PLPPR4: variants seen among roughly 807,000 people sequenced by gnomAD.
The protein encoded by PLPPR4 is phospholipid phosphatase related 4, also known as phospholipid phosphatase-related protein type 4.
PLPPR4 carries 24 observed loss-of-function variants against 56.6 expected under a neutral mutation model. That is an observed-to-expected ratio of 0.42 (90% CI 0.31 to 0.60). PLPPR4 has a LOEUF of 0.60. PLPPR4 is among the 20% of genes least tolerant of loss of function. The probability of loss-of-function intolerance (pLI) is 0.13; values close to 1 mark genes in which losing one functional copy is unlikely to be tolerated. For missense variants in PLPPR4, 654 were observed against 885.8 expected (o/e 0.74, Z 3.32); for synonymous variants, 326 against 328.1 (o/e 0.99, Z 0.07).
chr1:99,273,850 T>C (rs1659117086), intron 1 of PLPPR4, among the ~76,000 whole-genome samples: 1 of 152,096 alleles, frequency 6.6e-6, no homozygotes, highest in African/African-American at 2.4e-5. Context: ...GGTGGAGACA[T>C]TTTTATTTGT....
At position 99,264,682 on chromosome 1, in the gene PLPPR4, C is replaced by T; in HGVS notation, c.78+11C>T. 2 of 1,550,184 alleles carry T rather than the reference C, an allele frequency of 1.3e-6. No homozygotes were observed. Among genetic ancestry groups the T allele is most frequent in the Non-Finnish European group, 1.7e-6 (2 of 1,146,700 alleles). On this transcript the variant is annotated intron_variant, in intron 1 of 6. Coordinates refer to ENST00000370185, the MANE Select transcript of PLPPR4 (RefSeq NM_014839.5). ...TTTTATTTCGTCGAGGTGAGTTGGC[C>T]CAGTGCCTTGGCATAATGCAGATCC...
chr1:99,294,585 A>G (rs907389585), intron 2 of PLPPR4, among the ~76,000 whole-genome samples: 2 of 151,694 alleles, frequency 1.3e-5, no homozygotes, highest in Non-Finnish European at 2.9e-5. Flanking sequence ...ATTCCCAGCT[A>G]CTTGGGAGGC....
chr1:99,296,671 C>A, intron 2 of PLPPR4, 67 bp from the exon 3 acceptor site: 2 of 1,344,722 alleles, frequency 1.5e-6, no homozygotes. Context: ...TATATAATTC[C>A]TTTATACCTG....
chr1:99,270,813 T>C (rs149994873), intron 1 of PLPPR4, among the ~76,000 whole-genome samples: 7 of 152,210 alleles, frequency 4.6e-5, no homozygotes, highest in African/African-American at 1.7e-4. Context: ...AGAAGTAGAG[T>C]CTGCTTAAAG....
intron 2 of PLPPR4, among the ~76,000 whole-genome samples, chr1:99,290,646 A>G (rs1659592089): frequency 6.6e-6 from 1 of 152,152 alleles, no homozygotes; most frequent in African/African-American, 2.4e-5. Context: ...CTGCACACCT[A>G]CAACTATCTG....
At chr1:99,263,880 G>A (rs964449246), upstream of PLPPR4, 1 of 152,318 alleles carries the variant, frequency 6.6e-6, no homozygotes, top group Non-Finnish European at 1.5e-5. Flanking sequence ...CCACACAACC[G>A]GTAGTGTTTG....
intron 3 of PLPPR4, among the ~76,000 whole-genome samples, chr1:99,298,167 T>G (rs919105378): frequency 3.9e-5 from 6 of 152,084 alleles, no homozygotes; most frequent in Admixed American, 2.6e-4. Flanking sequence ...ACTGAAGAAT[T>G]ACCCTGGTCC....
At chr1:99,296,193 A>C (rs1191212601) in intron 2 of PLPPR4, among the ~76,000 whole-genome samples, 1 of 152,170 alleles carries the variant, frequency 6.6e-6, no homozygotes, top group Non-Finnish European at 1.5e-5. Context: ...TAAGATAGCC[A>C]CTAGCCACCT....
chr1:99,293,222 G>A (rs1231426065), intron 2 of PLPPR4, among the ~76,000 whole-genome samples: 1 of 152,048 alleles, frequency 6.6e-6, no homozygotes, highest in Non-Finnish European at 1.5e-5. Flanking sequence ...TTGTATGCAG[G>A]AATTTAAATA....
chr1:99,303,471 C>T (rs771630230), intron 6 of PLPPR4, among the ~76,000 whole-genome samples: 14 of 151,838 alleles, frequency 9.2e-5, no homozygotes, highest in Non-Finnish European at 1.8e-4. Context: ...GTAGTTACTA[C>T]GGTTATATAA....
chr1:99,265,155 CCA>C (rs1333348247), intron 1 of PLPPR4, among the ~76,000 whole-genome samples: 24 of 131,454 alleles, frequency 1.8e-4, no homozygotes, highest in Middle Eastern at 3.9e-3. Flanking sequence ...CCCCCCCCCC[CCA>C]AATCCTTCTC....
chr1:99,265,540 T>C (rs2100779531), intron 1 of PLPPR4, among the ~76,000 whole-genome samples: 1 of 152,246 alleles, frequency 6.6e-6, no homozygotes, highest in East Asian at 1.9e-4. Context: ...AAGCAAGAGG[T>C]TTATTAAATT....
intron 1 of PLPPR4, among the ~76,000 whole-genome samples, chr1:99,270,043 GT>G (rs1659015018): frequency 6.2e-5 from 9 of 146,100 alleles, no homozygotes; most frequent in African/African-American, 7.7e-5. Flanking sequence ...GTGTGTGTGT[GT>G]GGCAGGGTCT....
Position 99,306,190 on chromosome 1 carries a change from A to G in PLPPR4, c.1328A>G (p.Asn443Ser). ...SSSEPSRVGV[N>S]GDHHGPGNQY... ...TCAGAGCCATCGAGGGTAGGGGTGA[A>G]TGGAGACCACCATGGTCCTGGCAAT... The change falls in exon 7 of 7, where the codon AAT (asparagine) becomes AGT (serine). Residue 443 changes from asparagine (N) to serine (S), a missense_variant. Coordinates refer to ENST00000370185, the MANE Select transcript of PLPPR4 (RefSeq NM_014839.5). The surrounding 1 kb of genome is among the most constrained non-coding windows in gnomAD (Gnocchi z 4.0). 2 of 1,614,064 alleles carry G rather than the reference A, an allele frequency of 1.2e-6. No homozygotes were observed. Among genetic ancestry groups the G allele is most frequent in the Non-Finnish European group, 1.7e-6 (2 of 1,180,000 alleles).
intron 1 of PLPPR4, among the ~76,000 whole-genome samples, chr1:99,283,201 T>C (rs958184004): frequency 1.3e-5 from 2 of 152,084 alleles, no homozygotes; most frequent in African/African-American, 4.8e-5. Context: ...TTTGTGACTA[T>C]GGTTTCCACC....
chr1:99,277,965 T>C (rs545804989), intron 1 of PLPPR4, among the ~76,000 whole-genome samples: 2 of 152,280 alleles, frequency 1.3e-5, no homozygotes, highest in South Asian at 2.1e-4. Context: ...ATCCCACTAA[T>C]AGTGAAAACA....
intron 3 of PLPPR4, chr1:99,298,744 A>G (rs1659808289): frequency 1.7e-6 from 1 of 587,922 alleles, no homozygotes; most frequent in East Asian, 2.8e-5. Context: ...ATACCTTAGC[A>G]TGTTCCAAGT....
intron 1 of PLPPR4, among the ~76,000 whole-genome samples, chr1:99,265,200 CT>C (rs1658864958): frequency 7.8e-6 from 1 of 128,524 alleles, no homozygotes; most frequent in Non-Finnish European, 1.7e-5. Context: ...ACATACGCTT[CT>C]GAAATTGGAT....
chr1:99,285,278 A>G (rs570440326), intron 1 of PLPPR4, among the ~76,000 whole-genome samples: 1 of 152,350 alleles, frequency 6.6e-6, no homozygotes, highest in South Asian at 2.1e-4. Context: ...TGAGTTTAAA[A>G]TATGTCAAAT....
Sources: gnomAD v4.1 joint callset for allele counts (sites outside exome capture counted in the v4.1 genomes callset) on GRCh38, gnomAD v4.1.1 for gene constraint, Gnocchi (gnomAD v3.1) non-coding constraint, MANE v1.5 for transcripts, NCBI Gene and HGNC (gene_info 2026-07-23, HGNC 2026-07-21) for gene names.